Variants in FAM20B observed in about 807,000 individuals in gnomAD.
FAM20B encodes FAM20B glycosaminoglycan xylosylkinase.
Under a neutral mutation model 43.8 loss-of-function variants are expected in FAM20B, and 23 were observed. The ratio of observed to expected loss-of-function variants is 0.53; its 90% CI spans 0.38 to 0.74. The LOEUF (loss-of-function observed/expected upper bound fraction) is 0.74, where lower values mean the gene tolerates loss of function less well. Among genes scored for constraint, FAM20B ranks in the 30% least tolerant of loss-of-function variants. The pLI is 0.00. For synonymous variants in FAM20B, 178 were observed against 192.4 expected (o/e 0.93, Z 0.62); for missense variants, 440 against 510.5 (o/e 0.86, Z 1.33).
At chr1:179,049,733 G>C (rs1390116732) in intron 2 of FAM20B, among the ~76,000 whole-genome samples, 1 of 152,162 alleles carries the variant, frequency 6.6e-6, no homozygotes, top group Non-Finnish European at 1.5e-5. Context: ...GTAGAGATGG[G>C]GTTTCGCCAT....
intron 1 of FAM20B, among the ~76,000 whole-genome samples, chr1:179,026,565 T>C (rs1557863375): frequency 6.6e-6 from 1 of 152,106 alleles, no homozygotes; most frequent in African/African-American, 2.4e-5. Flanking sequence ...CGCGGGGTCT[T>C]TGCTGGGCCC....
the FAM20B span, among the ~76,000 whole-genome samples, chr1:179,020,023 C>T: frequency 6.6e-6 from 1 of 152,168 alleles, no homozygotes; most frequent in Non-Finnish European, 1.5e-5. Context: ...ACCTTGTCTT[C>T]CTCTGTTCGG....
chr1:179,027,294 T>C (rs898421743), intron 1 of FAM20B, among the ~76,000 whole-genome samples: 3 of 152,234 alleles, frequency 2.0e-5, no homozygotes, highest in Non-Finnish European at 4.4e-5. Context: ...AAAAATCTGG[T>C]TAGAGATCTC....
chr1:179,070,370 G>A (rs1267638828), intron 7 of FAM20B, among the ~76,000 whole-genome samples: 1 of 152,074 alleles, frequency 6.6e-6, no homozygotes, highest in Non-Finnish European at 1.5e-5. Context: ...ATAATGAACA[G>A]AAATTTATTG....
Position 179,038,819 on chromosome 1 carries a change from T to C in FAM20B, c.-133-4896T>C, listed in dbSNP as rs576807157. 1.4e-4 allele frequency among the ~76,000 whole-genome samples: 22 copies of C among 152,322 alleles called. No individual in the cohort carries two copies. The East Asian group carries it at 4.0e-3, about 28-fold the overall frequency. On this transcript the variant is annotated intron_variant, in intron 1 of 7. Transcript: ENST00000263733. Reference sequence around the variant, plus strand: ...TTGCCTTTGTTTCAGCTAATAGTGTTGTGTACCCTGGGAGATGATGATGAA... The same window carrying C: ...TTGCCTTTGTTTCAGCTAATAGTGTCGTGTACCCTGGGAGATGATGATGAA...
At chr1:179,020,162 C>T in the FAM20B span, among the ~76,000 whole-genome samples, 4 of 67,938 alleles carry the variant, frequency 5.9e-5, no homozygotes, top group Admixed American at 4.7e-4. Flanking sequence ...TATACACACA[C>T]ACACACACAC....
chr1:179,065,345 C>T (rs1344239903), intron 6 of FAM20B, among the ~76,000 whole-genome samples: 1 of 152,044 alleles, frequency 6.6e-6, no homozygotes, highest in Non-Finnish European at 1.5e-5. Flanking sequence ...CCATTTTGGC[C>T]AGGCTGGTCT....
intron 1 of FAM20B, among the ~76,000 whole-genome samples, chr1:179,028,701 A>G (rs1221317555): frequency 1.3e-5 from 2 of 152,248 alleles, no homozygotes; most frequent in East Asian, 1.9e-4. Flanking sequence ...CACAGTTACA[A>G]TGAGGCCCTA....
At position 179,073,840 on chromosome 1, in the gene FAM20B, T is replaced by C. The variant is rs1652031867; in HGVS notation, c.*1696T>C. 1.3e-5 allele frequency: 2 copies of C among 152,246 alleles called. No individual in the cohort carries two copies. Among genetic ancestry groups the C allele is most frequent in the South Asian group, 4.1e-4 (2 of 4,832 alleles). 9.4% of individuals were successfully genotyped at this position (152,246 alleles called of 1,614,324 possible). On this transcript the variant is annotated 3_prime_UTR_variant, in exon 8 of 8. Coordinates refer to ENST00000263733, the MANE Select transcript of FAM20B (RefSeq NM_014864.4). ...GTTCTGGCAAAGTGATCTCAACATG[T>C]AAGTAGTTGCAGTAAAACACAGGGG...
upstream of FAM20B, among the ~76,000 whole-genome samples, chr1:179,023,696 T>G (rs1649646433): frequency 6.6e-6 from 1 of 152,238 alleles, no homozygotes; most frequent in African/African-American, 2.4e-5. Flanking sequence ...CACAGAGCAC[T>G]GCCTAACTTT....
chr1:179,054,495 T>G, intron 3 of FAM20B, 34 bp from the exon 4 acceptor site: 1 of 1,379,148 alleles, frequency 7.3e-7, no homozygotes, highest in South Asian at 1.2e-5. Flanking sequence ...TCCCCTAAGA[T>G]TTTTCTCTTC....
At chr1:179,042,813 T>C (rs1650600164) in intron 1 of FAM20B, among the ~76,000 whole-genome samples, 3 of 152,144 alleles carry the variant, frequency 2.0e-5, no homozygotes, top group Admixed American at 2.0e-4. Flanking sequence ...AGATCCCTTG[T>C]GCACGCAGGT....
At chr1:179,033,728 C>G (rs57443960) in intron 1 of FAM20B, among the ~76,000 whole-genome samples, 7 of 152,082 alleles carry the variant, frequency 4.6e-5, no homozygotes. Context: ...CAGTCTTGCT[C>G]TGTCACCAGG....
chr1:179,043,567 A>G (rs76303234), intron 1 of FAM20B, 148 bp from the exon 2 acceptor site: 18,975 of 304,282 alleles, frequency 0.062, 711 homozygotes, highest in Non-Finnish European at 0.067. Context: ...GTCCTTCTCC[A>G]GATTAGTTAA....
chr1:179,037,627 C>T (rs1650302399), intron 1 of FAM20B, among the ~76,000 whole-genome samples: 1 of 151,906 alleles, frequency 6.6e-6, no homozygotes, highest in Non-Finnish European at 1.5e-5. Flanking sequence ...GCTGGGATTA[C>T]AGGTGCCCAC....
chr1:179,039,596 G>A (rs1374071267), intron 1 of FAM20B, among the ~76,000 whole-genome samples: 3 of 152,102 alleles, frequency 2.0e-5, no homozygotes, highest in Admixed American at 6.5e-5. Context: ...AATAATTGGC[G>A]AAGGACTAAG....
At chr1:179,043,050 C>T (rs1008264282) in intron 1 of FAM20B, among the ~76,000 whole-genome samples, 6 of 152,166 alleles carry the variant, frequency 3.9e-5, no homozygotes, top group South Asian at 2.1e-4. Context: ...CATCCCTTTC[C>T]GCCCAGGAGC....
upstream of FAM20B, among the ~76,000 whole-genome samples, chr1:179,025,485 A>G (rs1327904143): frequency 3.9e-5 from 6 of 152,152 alleles, no homozygotes; most frequent in African/African-American, 1.4e-4. Context: ...AGGAGGAGGG[A>G]AAATGCTTCT....
chr1:179,040,192 T>G (rs1328466813), intron 1 of FAM20B, among the ~76,000 whole-genome samples: 1 of 152,206 alleles, frequency 6.6e-6, no homozygotes, highest in Non-Finnish European at 1.5e-5. Flanking sequence ...CTTCCCCCCT[T>G]TCTACTCCAC....
Sources: gnomAD v4.1 joint callset for allele counts (sites outside exome capture counted in the v4.1 genomes callset) on GRCh38, gnomAD v4.1.1 for gene constraint, MANE v1.5 for transcripts, NCBI Gene and HGNC (gene_info 2026-07-23, HGNC 2026-07-21) for gene names.